Variants in EIF2B4 observed in about 807,000 individuals in gnomAD.
EIF2B4 encodes eukaryotic translation initiation factor 2B subunit delta.
Under a neutral mutation model 66.7 loss-of-function variants are expected in EIF2B4, and 34 were observed. That is an observed-to-expected ratio of 0.51 (90% CI 0.39 to 0.68). The LOEUF is 0.68. Among genes scored for constraint, EIF2B4 ranks in the 30% least tolerant of loss-of-function variants. The pLI is 0.00. For missense variants in EIF2B4, 618 were observed against 657.9 expected, an observed-to-expected ratio of 0.94 and a Z score of 0.66; for synonymous variants, 278 against 253.6, an observed-to-expected ratio of 1.10 and a Z score of -0.92.
Position 27,368,732 on chromosome 2 carries a change from TC to T in EIF2B4, c.419del (p.Gly140GlufsTer2). 1 of 1,614,134 alleles carries T rather than the reference TC, an allele frequency of 6.2e-7. No individual in the cohort carries two copies. The highest frequency in any genetic ancestry group is 8.5e-7 in the Non-Finnish European group (1 of 1,179,980). On this transcript the variant is annotated frameshift_variant and splice_region_variant, in exon 5 of 13. Coordinates refer to ENST00000347454, the MANE Select transcript of EIF2B4 (RefSeq NM_001034116.2). LOFTEE classifies it high-confidence loss of function. ...SPSTAGETPS[G>X]VKRLPEYPQV... ...GAGGGTACTCAGGGAGACGCTTCAC[TC>T]CTGAAAGATAATCATCATGTTTTCA...
chr2:27,368,919 G>T, intron 4 of EIF2B4, 87 bp downstream of exon 4: 1 of 1,540,074 alleles, frequency 6.5e-7, no homozygotes, highest in Non-Finnish European at 9.0e-7. Flanking sequence ...TCCCAAGAAT[G>T]AGAGGGGAGA....
chr2:27,368,609 A>C (rs1194363349), intron 5 of EIF2B4, 45 bp downstream of exon 5: 1 of 1,611,490 alleles, frequency 6.2e-7, no homozygotes, highest in African/African-American at 1.3e-5. Flanking sequence ...CCTCCAGTCC[A>C]TTTCCCTAGG....
Position 27,368,553 on chromosome 2 carries a change from G to C in EIF2B4, c.499-90C>G, listed in dbSNP as rs1572607777. The C allele has an allele frequency of 1.9e-6, 3 of 1,554,228 alleles. No individual in the cohort carries two copies. In the African/African-American group the frequency reaches 4.1e-5, roughly 21 times the overall value. On this transcript the variant is annotated intron_variant, in intron 5 of 12. Transcript: ENST00000347454. The stretch of plus-strand genomic sequence containing the variant: ...AGGAAGTGAACAGTAAGACTACTCT[G>C]ACCCAAGCACCTATCCTTCTCACTT...
At chr2:27,369,679 C>G in intron 2 of EIF2B4, 130 bp from the exon 3 acceptor site, 1 of 1,537,992 alleles carries the variant, frequency 6.5e-7, no homozygotes, top group Non-Finnish European at 9.0e-7. Flanking sequence ...CTACCTGTTG[C>G]AAGCTTACAT....
At position 27,369,563 on chromosome 2, in the gene EIF2B4, A is replaced by T; in HGVS notation, c.76-14T>A. 1 of 1,614,110 alleles carries T rather than the reference A, an allele frequency of 6.2e-7. No homozygotes were observed. Among genetic ancestry groups the T allele is most frequent in the Non-Finnish European group, 8.5e-7 (1 of 1,180,026 alleles). ...CCTCCCCACTGCCTGAGACACAGAC[A>T]TAGGATACTGCTCTTCCCCAACAAT... On this transcript the variant is annotated splice_polypyrimidine_tract_variant and intron_variant, in intron 2 of 12. Transcript: ENST00000347454.
rs748155307 is a variant in EIF2B4 at position 27,368,634 on chromosome 2, G to A, written c.498+20C>T. 1.9e-6 allele frequency: 3 copies of A among 1,613,932 alleles called. No individual in the cohort carries two copies. Among genetic ancestry groups the A allele is most frequent in the South Asian group, 1.1e-5 (1 of 91,084 alleles). ...ATTTCCCTAGGCTCTTTCTAGCCAGGCACCAAACCCACTTCCTACCTGTTG... is the reference window on the plus strand; with the variant it reads ...ATTTCCCTAGGCTCTTTCTAGCCAGACACCAAACCCACTTCCTACCTGTTG... On this transcript the variant is annotated intron_variant, in intron 5 of 12. Coordinates refer to ENST00000347454, the MANE Select transcript of EIF2B4 (RefSeq NM_001034116.2).
At position 27,366,893 on chromosome 2, in the gene EIF2B4, C is replaced by T. The variant is rs778375725; in HGVS notation, c.1057G>A (p.Gly353Ser). Residue 353 changes from glycine (G) to serine (S), a missense_variant, in exon 11 of 13, where the codon GGC becomes AGC. Transcript: ENST00000347454. Reference sequence around the variant, plus strand: ...ACCACTACCACCCGAAACCGCCGGCCCTCTGTCCAAGCCTCCTGAAGAATT... The same window carrying T: ...ACCACTACCACCCGAAACCGCCGGCTCTCTGTCCAAGCCTCCTGAAGAATT... Reference protein sequence around the residue: ...SRILQEAWTEGRRFRVVVVDS... With the variant: ...SRILQEAWTESRRFRVVVVDS... The T allele has an allele frequency of 1.6e-5, 26 of 1,613,990 alleles. No individual in the cohort carries two copies. Among genetic ancestry groups the T allele is most frequent in the Non-Finnish European group, 2.1e-5 (25 of 1,180,036 alleles).
chr2:27,367,502 A>C lies in EIF2B4; in HGVS notation c.840T>G (p.Leu280=). 6.2e-7 allele frequency: 1 copy of C among 1,614,106 alleles called. No individual in the cohort carries two copies. The highest frequency in any genetic ancestry group is 8.5e-7 in the Non-Finnish European group (1 of 1,180,024). Residue 280 remains leucine, a synonymous_variant, in exon 9 of 13, where the codon CTT becomes CTG. Coordinates refer to ENST00000347454, the MANE Select transcript of EIF2B4 (RefSeq NM_001034116.2). Reference sequence around the variant, plus strand: ...TGCCCACACTGGTGATTTCCTTGTTAAGGAACTTGATGGCGTTGTGCATGC... The same window carrying C: ...TGCCCACACTGGTGATTTCCTTGTTCAGGAACTTGATGGCGTTGTGCATGC... The part of the protein sequence containing the change: ...SASMHNAIKF[L]NKEITSVGSS...
At chr2:27,365,254 C>T (rs1370651760) in intron 11 of EIF2B4, among the ~76,000 whole-genome samples, 4 of 151,902 alleles carry the variant, frequency 2.6e-5, no homozygotes, top group South Asian at 2.1e-4. Context: ...TTAGTAGAGA[C>T]GGGGTTTCTC....
chr2:27,368,003 G>A, intron 7 of EIF2B4, 22 bp downstream of exon 7: 2 of 1,561,970 alleles, frequency 1.3e-6, no homozygotes, highest in Non-Finnish European at 8.7e-7. Flanking sequence ...TGGATCATAA[G>A]AGAGAACAGG....
In EIF2B4 at chr2:27,369,202, G is replaced by A. The variant is rs547931123; in HGVS notation, c.222C>T (p.Thr74=). The A allele has an allele frequency of 1.2e-6, 2 of 1,611,766 alleles. No individual in the cohort carries two copies. The highest frequency in any genetic ancestry group is 2.7e-5 in the African/African-American group (2 of 74,860). The change falls in exon 4 of 13, where the codon ACC becomes ACT. Residue 74 remains threonine (T), a synonymous_variant. Coordinates refer to ENST00000347454, the MANE Select transcript of EIF2B4 (RefSeq NM_001034116.2). Reference sequence around the variant, plus strand: ...GAATGCCCGATTCTGGCAGTTCTCTGGTTGGGCCTACTAAAAGCATTAAAA... The same window carrying A: ...GAATGCCCGATTCTGGCAGTTCTCTAGTTGGGCCTACTAAAAGCATTAAAA... ...VSAAQCQVGP[T]RELPESGIQL...
At chr2:27,367,393 T>C (rs1558635593) in intron 9 of EIF2B4, 64 bp downstream of exon 9, 2 of 1,606,420 alleles carry the variant, frequency 1.2e-6, no homozygotes, top group East Asian at 4.5e-5. Context: ...TTCCCGGGAG[T>C]TTTTAACATG....
chr2:27,368,770 G>A (rs1231770433), intron 4 of EIF2B4, 37 bp from the exon 5 acceptor site: 24 of 1,604,968 alleles, frequency 1.5e-5, no homozygotes, highest in Non-Finnish European at 2.0e-5. Context: ...GACACTGTAG[G>A]TCTTGAAATG....
chr2:27,369,478 TTTC>T lies in EIF2B4; in HGVS notation c.144_146del (p.Lys49del), dbSNP rs772427644. ...GTTCTGCCCCCTTTTCTTCCTTCCG[TTTC>T]TTCTTCTGCTGTTTCTTTTCCTTCC... On this transcript the variant is annotated inframe_deletion, in exon 3 of 13. Coordinates refer to ENST00000347454, the MANE Select transcript of EIF2B4 (RefSeq NM_001034116.2). The T allele has an allele frequency of 2.0e-5, 33 of 1,613,982 alleles. 1 individual carries two copies. The highest frequency in any genetic ancestry group is 5.5e-5 in the South Asian group (5 of 91,072).
chr2:27,364,767 G>T lies in EIF2B4; in HGVS notation c.1323C>A (p.Tyr441Ter). The change falls in exon 12 of 13, where the codon TAC (tyrosine) becomes TAA (stop). Residue 441 changes from tyrosine to a stop codon, truncating the protein, a stop_gained. Coordinates refer to ENST00000347454, the MANE Select transcript of EIF2B4 (RefSeq NM_001034116.2). LOFTEE classifies it high-confidence loss of function. ...NVPVLVCCET[Y>*]KFCERVQTDA... is the part of the protein sequence containing the mutation. ...CAGTCTGCACACGCTCACAGAACTT[G>T]TATGTTTCACAGCAAACCAGCACTG... 1.2e-6 allele frequency: 2 copies of T among 1,614,194 alleles called. No individual in the cohort carries two copies. Among genetic ancestry groups the T allele is most frequent in the East Asian group, 2.2e-5 (1 of 44,872 alleles).
In EIF2B4 at chr2:27,370,061, G is replaced by T. The variant is rs888850772; in HGVS notation, c.32-142C>A. 11 of 1,505,760 alleles carry T rather than the reference G, an allele frequency of 7.3e-6. No homozygotes were observed. In the African/African-American group the frequency reaches 1.5e-4, roughly 21 times the overall value. The allele number at this position is 1,505,760 out of a possible 1,614,324, so 93.3% of individuals were successfully genotyped here. A position where few individuals can be genotyped will look rare whatever the true frequency, so the allele number is the denominator to read the frequency against. ...GCGAGGCGAGCCAGGGATCCGCGTG[G>T]GGACGCACTGCGCGGCGGATCAAAG... On this transcript the variant is annotated intron_variant, in intron 1 of 12. Coordinates refer to ENST00000347454, the MANE Select transcript of EIF2B4 (RefSeq NM_001034116.2).
intron 11 of EIF2B4, 95 bp from the exon 12 acceptor site, chr2:27,364,993 A>G (rs373304788): frequency 8.2e-7 from 1 of 1,216,532 alleles, no homozygotes; most frequent in Non-Finnish European, 1.2e-6. Flanking sequence ...TAAGACAAGT[A>G]ATAAATCTCA....
intron 12 of EIF2B4, 22 bp downstream of exon 12, chr2:27,364,696 G>A (rs751018296): frequency 1.9e-6 from 3 of 1,614,106 alleles, no homozygotes; most frequent in Non-Finnish European, 2.5e-6. Flanking sequence ...GGTAGCTGGA[G>A]GCTTCTCTTT....
Position 27,369,113 on chromosome 2 carries a change from C to T in EIF2B4, c.311G>A (p.Arg104His), listed in dbSNP as rs753288781. 1.9e-5 allele frequency: 31 copies of T among 1,613,950 alleles called. No individual in the cohort carries two copies. In the South Asian group the frequency reaches 2.9e-4, roughly 15 times the overall value. Residue 104 changes from arginine (R) to histidine (H), a missense_variant, in exon 4 of 13, where the codon CGT becomes CAT. Around this residue, in one of 4 missense-constraint regions of EIF2B4, gnomAD observed 506 missense variants for 511.9 expected, o/e 0.99. Transcript: ENST00000347454. ...GRSKAELRAE[R>H]RAKQEAERAL... ...CCGCTCGGCCTCCTGCTTGGCTCGA[C>T]GCTCAGCCCGAAGTTCGGCCTTACT...
Sources: gnomAD v4.1 joint callset for allele counts (sites outside exome capture counted in the v4.1 genomes callset) on GRCh38, gnomAD v4.1.1 for gene constraint, gnomAD v4.1.1 regional missense constraint, MANE v1.5 for transcripts, NCBI Gene and HGNC (gene_info 2026-07-23, HGNC 2026-07-21) for gene names.